CEP135: variants seen among roughly 807,000 people sequenced by gnomAD.
CEP135 encodes centrosomal protein 135.
In CEP135, 142 loss-of-function variants were observed where a neutral mutation model predicts 157.3. The ratio of observed to expected loss-of-function variants is 0.90; its 90% CI spans 0.79 to 1.04. The LOEUF is 1.04. Among genes scored for constraint, CEP135 ranks in the 50% least tolerant of loss-of-function variants. The pLI is 0.00. For missense variants in CEP135, 1,317 were observed against 1,309.2 expected, an observed-to-expected ratio of 1.01 and a Z score of -0.09; for synonymous variants, 396 against 439.8, an observed-to-expected ratio of 0.90 and a Z score of 1.25.
intron 24 of CEP135, among the ~76,000 whole-genome samples, chr4:56,023,928 T>G (rs1476034515): frequency 7.2e-6 from 1 of 138,618 alleles, no homozygotes; most frequent in Non-Finnish European, 1.5e-5. Flanking sequence ...GGATAAAAGA[T>G]TTTAATTAAA....
At chr4:56,010,218 C>G (rs1730528923) in intron 19 of CEP135, among the ~76,000 whole-genome samples, 1 of 142,656 alleles carries the variant, frequency 7.0e-6, no homozygotes, top group Admixed American at 7.3e-5. Context: ...CAAAAATTAG[C>G]CAGGCCTGGC....
At position 55,978,924 on chromosome 4, in the gene CEP135, T is replaced by C. The variant is rs1729310238; in HGVS notation, c.1474-1219T>C. On this transcript the variant is annotated intron_variant, in intron 11 of 25. Transcript: ENST00000257287. ...TTACATTGGTTAAGTCCCAAAACAC[T>C]AATCTGCTTTTGTACTATAAAATAT... is the stretch of plus-strand genomic sequence containing the variant. 2.0e-5 allele frequency among the ~76,000 whole-genome samples: 3 copies of C among 152,234 alleles called. No individual in the cohort carries two copies. The South Asian group carries it at 6.2e-4, about 31-fold the overall frequency.
At position 56,031,567 on chromosome 4, in the gene CEP135, ATATG is replaced by A. The variant is rs940131059; in HGVS notation, c.*223_*226del. The A allele has an allele frequency of 1.3e-5, 2 of 152,548 alleles. No homozygotes were observed. Among genetic ancestry groups the A allele is most frequent in the African/African-American group, 4.8e-5 (2 of 41,444 alleles). The allele number at this position is 152,548 out of a possible 1,614,324, so 9.4% of individuals were successfully genotyped here. A position where few individuals can be genotyped will look rare whatever the true frequency, so the allele number is the denominator to read the frequency against. On this transcript the variant is annotated 3_prime_UTR_variant, in exon 26 of 26. Transcript: ENST00000257287. ...TTTTCATATATATGACAGAACAAGAATATGTATTAATAGTGCCTAATGTATCTAT... is the reference window on the plus strand; with the variant it reads ...TTTTCATATATATGACAGAACAAGAATATTAATAGTGCCTAATGTATCTAT...
At chr4:55,988,530 C>T (rs768515020) in intron 14 of CEP135, among the ~76,000 whole-genome samples, 5 of 151,926 alleles carry the variant, frequency 3.3e-5, no homozygotes, top group Non-Finnish European at 7.4e-5. Context: ...TGAGGTGGCA[C>T]GCGCCTGTAG....
chr4:55,999,600 GAAGACAGAA>G lies in CEP135; in HGVS notation c.2240_2248del (p.Thr747_Lys749del). On this transcript the variant is annotated inframe_deletion, in exon 17 of 26. Coordinates refer to ENST00000257287, the MANE Select transcript of CEP135 (RefSeq NM_025009.5). ...ACTTTCTCCAGGAGACTGTAGATGA[GAAGACAGAA>G]AAGATTGCAAATTTGCAAGAAAACC... is the stretch of plus-strand genomic sequence containing the variant. 6.2e-7 allele frequency: 1 copy of G among 1,604,672 alleles called. No homozygotes were observed. The highest frequency in any genetic ancestry group is 8.5e-7 in the Non-Finnish European group (1 of 1,178,084).
At position 56,011,950 on chromosome 4, in the gene CEP135, G is replaced by A. The variant is rs145959811; in HGVS notation, c.2767G>A (p.Glu923Lys). 2,983 of 1,576,822 alleles carry A rather than the reference G, an allele frequency of 1.9e-3. 2 individuals carry two copies. Among genetic ancestry groups the A allele is most frequent in the Non-Finnish European group, 2.3e-3 (2,681 of 1,164,164 alleles). Residue 923 changes from glutamate to lysine, a missense_variant, in exon 21 of 26, where the codon GAA (glutamate) becomes AAA (lysine). Transcript: ENST00000257287. Reference protein sequence around the residue: ...SIDTERRHLRERVELLEKEIQ... With the variant: ...SIDTERRHLRKRVELLEKEIQ... ...TGACACTGAGAGGAGACATCTTCGA[G>A]AAAGAGTGGAGCTATTAGAAAAAGA... is the stretch of plus-strand genomic sequence containing the variant.
chr4:56,013,605 A>ATT (rs1389865899), intron 21 of CEP135, among the ~76,000 whole-genome samples: 1 of 152,214 alleles, frequency 6.6e-6, no homozygotes, highest in Non-Finnish European at 1.5e-5. Context: ...AGATTTTGTC[A>ATT]TAAAGACAGT....
At chr4:56,003,721 G>T (rs1376597419) in intron 17 of CEP135, among the ~76,000 whole-genome samples, 17 of 141,214 alleles carry the variant, frequency 1.2e-4, no homozygotes, top group African/African-American at 3.5e-4. Context: ...TTTTTGTTTT[G>T]TTTTTTTTTT....
At position 55,957,309 on chromosome 4, in the gene CEP135, G is replaced by C; in HGVS notation, c.559G>C (p.Val187Leu). 6.2e-7 allele frequency: 1 copy of C among 1,614,090 alleles called. No individual in the cohort carries two copies. The highest frequency in any genetic ancestry group is 1.7e-5 in the Admixed American group (1 of 60,016). ...VPPSEVSSYP[V>L]PQPDDPYIAD... is the part of the protein sequence containing the mutation. ...TCCCTCTGAAGTCAGTTCATATCCA[G>C]TTCCTCAACCAGATGACCCTTACAT... is the stretch of plus-strand genomic sequence containing the variant. Residue 187 changes from valine (V) to leucine (L), a missense_variant, in exon 5 of 26, where the codon GTT (valine) becomes CTT (leucine). Coordinates refer to ENST00000257287, the MANE Select transcript of CEP135 (RefSeq NM_025009.5).
At chr4:56,001,191 T>A (rs1289924934) in intron 17 of CEP135, among the ~76,000 whole-genome samples, 9 of 152,300 alleles carry the variant, frequency 5.9e-5, no homozygotes, top group African/African-American at 1.9e-4. Flanking sequence ...AGATATTTTC[T>A]CCCATTCTGT....
intron 15 of CEP135, among the ~76,000 whole-genome samples, chr4:55,994,417 T>A (rs1729896524): frequency 6.6e-6 from 1 of 152,142 alleles, no homozygotes; most frequent in Non-Finnish European, 1.5e-5. Flanking sequence ...CATGGTAGCA[T>A]GTGCCTATAT....
chr4:55,999,333 G>C lies in CEP135; in HGVS notation c.2041G>C (p.Asp681His). ...GAATGAGCAGCTACAGCGGTCAGTT[G>C]ATGACTATCAGCACCGACTTTCCAT... ...IVNEQLQRSV[D>H]DYQHRLSIKR... is the part of the protein sequence containing the mutation. Residue 681 changes from aspartate (D) to histidine (H), a missense_variant, in exon 16 of 26, where the codon GAT becomes CAT. Transcript: ENST00000257287. The C allele has an allele frequency of 6.2e-7, 1 of 1,614,134 alleles. No homozygotes were observed. Among genetic ancestry groups the C allele is most frequent in the Non-Finnish European group, 8.5e-7 (1 of 1,179,998 alleles).
rs921657197 is a variant in CEP135, at chr4:55,981,116, C to T, written c.1627-111C>T. ...TTGTTGGGATTTGCGAAGAGAGTGA[C>T]GGTAGCATGTGTTCAGTATGCCTTT... On this transcript the variant is annotated intron_variant, in intron 12 of 25. Transcript: ENST00000257287. 23 of 907,236 alleles carry T rather than the reference C, an allele frequency of 2.5e-5. No individual in the cohort carries two copies. The Admixed American group carries it at 4.2e-4, about 17-fold the overall frequency. 56.2% of individuals were successfully genotyped at this position (907,236 alleles called of 1,614,324 possible). A position where few individuals can be genotyped will look rare whatever the true frequency, so the allele number is the denominator to read the frequency against.
At chr4:56,018,377 A>G (rs141914120) in intron 22 of CEP135, among the ~76,000 whole-genome samples, 1 of 152,282 alleles carries the variant, frequency 6.6e-6, no homozygotes, top group East Asian at 1.9e-4. Flanking sequence ...AAAGTGGGTA[A>G]TGTTTTGGAA....
chr4:55,981,508 G>C, intron 13 of CEP135, 129 bp downstream of exon 13: 1 of 642,806 alleles, frequency 1.6e-6, no homozygotes, highest in Non-Finnish European at 2.5e-6. Flanking sequence ...TGTGAGCTAA[G>C]AATGGATTAA....
intron 18 of CEP135, 143 bp downstream of exon 18, chr4:56,008,525 C>G: frequency 1.6e-6 from 1 of 644,416 alleles, no homozygotes; most frequent in Middle Eastern, 2.5e-4. Flanking sequence ...TTTTCTCAGT[C>G]TCCAGCTTGA....
At chr4:55,991,025 G>T (rs1171083935) in intron 14 of CEP135, among the ~76,000 whole-genome samples, 1 of 151,910 alleles carries the variant, frequency 6.6e-6, no homozygotes, top group African/African-American at 2.4e-5. Context: ...GCCCAGGCAG[G>T]AGTACAGTGG....
At chr4:56,020,624 T>C in intron 23 of CEP135, 52 bp from the exon 24 acceptor site, 1 of 1,468,848 alleles carries the variant, frequency 6.8e-7, no homozygotes, top group Non-Finnish European at 9.5e-7. Context: ...CCACAGCACC[T>C]GACTCTACAA....
At chr4:56,008,278 C>A (rs748134116) in intron 17 of CEP135, 49 bp from the exon 18 acceptor site, 6 of 1,333,522 alleles carry the variant, frequency 4.5e-6, no homozygotes, top group South Asian at 2.4e-5. Flanking sequence ...ATAAATTTAG[C>A]TAAAGACATT....
Sources: allele counts gnomAD v4.1 joint callset (sites outside exome capture counted in the v4.1 genomes callset), GRCh38; gene constraint gnomAD v4.1.1; transcripts MANE v1.5; gene names NCBI Gene and HGNC (gene_info 2026-07-23, HGNC 2026-07-21).